NDE1: variants seen among roughly 807,000 people sequenced by gnomAD.
The protein encoded by NDE1 is nudE neurodevelopment protein 1.
NDE1 carries 28 observed loss-of-function variants against 43.4 expected under a neutral mutation model. The observed-to-expected ratio is 0.65, with a 90% CI of 0.48 to 0.89. NDE1 has a LOEUF of 0.89. Ranked by LOEUF, NDE1 falls within the 40% of genes least tolerant of loss-of-function variation. NDE1 has a pLI of 0.00. For synonymous variants in NDE1, 184 were observed against 172.0 expected (o/e 1.07, Z -0.55); for missense variants, 441 against 434.1 (o/e 1.02, Z -0.14).
At chr16:15,723,511 G>GT (rs1235071366) in intron 8 of NDE1, among the ~76,000 whole-genome samples, 2 of 147,556 alleles carry the variant, frequency 1.4e-5, no homozygotes, top group Non-Finnish European at 2.9e-5. Context: ...GCCAGACATA[G>GT]TGGTGTGCTC....
chr16:15,685,061 G>T (rs2038370428), intron 4 of NDE1, among the ~76,000 whole-genome samples: 2 of 152,184 alleles, frequency 1.3e-5, no homozygotes, highest in African/African-American at 4.8e-5. Flanking sequence ...AACTTGTGGA[G>T]AATTAATTTC....
At chr16:15,705,736 CTT>C (rs973010814) in intron 8 of NDE1, among the ~76,000 whole-genome samples, 4 of 152,076 alleles carry the variant, frequency 2.6e-5, no homozygotes, top group African/African-American at 9.7e-5. Flanking sequence ...AATCTCAGCA[CTT>C]TGGGAGGCTG....
intron 3 of NDE1, among the ~76,000 whole-genome samples, chr16:15,670,565 G>A (rs1233630524): frequency 6.6e-6 from 1 of 151,864 alleles, no homozygotes; most frequent in East Asian, 1.9e-4. Context: ...GCTGAGGCAG[G>A]AGAATCACTT....
intron 7 of NDE1, 113 bp from the exon 8 acceptor site, chr16:15,696,596 A>G: frequency 1.3e-6 from 2 of 1,580,410 alleles, no homozygotes; most frequent in South Asian, 2.3e-5. Flanking sequence ...TTGGAATTCC[A>G]GTGCACAACA....
At chr16:15,697,184 A>G in intron 8 of NDE1, 3 of 475,986 alleles carry the variant, frequency 6.3e-6, no homozygotes, top group Non-Finnish European at 8.2e-6. Context: ...CTGGGAGTAC[A>G]GGTGCGTGTC....
chr16:15,687,769 A>G (rs2038514243), intron 5 of NDE1, among the ~76,000 whole-genome samples: 1 of 152,228 alleles, frequency 6.6e-6, no homozygotes, highest in Non-Finnish European at 1.5e-5. Flanking sequence ...GGGTTCACAG[A>G]TGAAGTCCTT....
At chr16:15,681,612 TAGG>T (rs955218197) in intron 4 of NDE1, among the ~76,000 whole-genome samples, 4 of 152,170 alleles carry the variant, frequency 2.6e-5, no homozygotes, top group African/African-American at 9.7e-5. Context: ...CCATGATTTC[TAGG>T]AGATTTTTAT....
At chr16:15,714,543 G>T (rs538180824) in intron 8 of NDE1, 6 of 399,342 alleles carry the variant, frequency 1.5e-5, no homozygotes, top group African/African-American at 1.0e-4. Flanking sequence ...GGAAGGAGGT[G>T]AAGTGGCGGG....
chr16:15,675,216 G>A (rs1263707928), intron 3 of NDE1, among the ~76,000 whole-genome samples: 1 of 151,234 alleles, frequency 6.6e-6, no homozygotes, highest in East Asian at 2.0e-4. Flanking sequence ...CCCCACCACT[G>A]CCAGAGAGTT....
At chr16:15,706,337 G>A (rs2039453321) in intron 8 of NDE1, among the ~76,000 whole-genome samples, 1 of 152,126 alleles carries the variant, frequency 6.6e-6, no homozygotes, top group African/African-American at 2.4e-5. Context: ...TCAGCGCAGA[G>A]GAGCAGCAGT....
intron 1 of NDE1, among the ~76,000 whole-genome samples, chr16:15,664,406 G>A (rs1417210203): frequency 1.3e-5 from 2 of 151,904 alleles, no homozygotes; most frequent in Non-Finnish European, 2.9e-5. Flanking sequence ...ACTCAAGCTG[G>A]AGTGCAGTGG....
upstream of NDE1, among the ~76,000 whole-genome samples, chr16:15,645,813 C>T (rs760961246): frequency 6.6e-6 from 1 of 152,154 alleles, no homozygotes; most frequent in East Asian, 1.9e-4. Flanking sequence ...AGCTACTTTA[C>T]ATGCAATTCA....
Position 15,708,836 on chromosome 16 carries a change from G to A in NDE1, c.947+11976G>A, listed in dbSNP as rs765030635. On this transcript the variant is annotated intron_variant, in intron 8 of 8. Transcript: ENST00000396354. ...TCACTGCGAAGTTTCCTGTGGGGGG[G>A]GCCCTCTGAAACAGAGAGAGAATCC... The A allele has an allele frequency of 2.7e-5, 43 of 1,610,066 alleles. No homozygotes were observed. The highest frequency in any genetic ancestry group is 3.3e-5 in the Non-Finnish European group (39 of 1,178,580).
At chr16:15,720,190 C>G (rs769970169) in intron 8 of NDE1, 2 of 1,614,150 alleles carry the variant, frequency 1.2e-6, no homozygotes, top group Non-Finnish European at 8.5e-7. Flanking sequence ...CCTCCCTCCC[C>G]TTGATGGCAG....
intron 8 of NDE1, chr16:15,714,038 G>A (rs1317405634): frequency 6.6e-6 from 1 of 152,368 alleles, no homozygotes; most frequent in Non-Finnish European, 1.5e-5. Flanking sequence ...GGTAGAAGCA[G>A]CAGGATCACC....
At chr16:15,662,783 TA>T (rs1402598659) in intron 1 of NDE1, among the ~76,000 whole-genome samples, 1 of 152,144 alleles carries the variant, frequency 6.6e-6, no homozygotes, top group Non-Finnish European at 1.5e-5. Flanking sequence ...TTCTCCATGT[TA>T]CCCAGGCTGG....
At chr16:15,680,591 G>A (rs1470442998) in intron 4 of NDE1, among the ~76,000 whole-genome samples, 1 of 152,136 alleles carries the variant, frequency 6.6e-6, no homozygotes, top group East Asian at 1.9e-4. Context: ...TGGAGCTGGA[G>A]TTCAGTGGTG....
chr16:15,697,073 G>T (rs1336374421), intron 8 of NDE1: 1 of 1,477,662 alleles, frequency 6.8e-7, no homozygotes, highest in East Asian at 2.5e-5. Context: ...TTGTGAGACA[G>T]GGTCTCACTC....
rs958520830 is a variant in NDE1 at position 15,724,497 on chromosome 16, A to G, written c.*246A>G. On this transcript the variant is annotated 3_prime_UTR_variant, in exon 9 of 9. Coordinates refer to ENST00000396354, the MANE Select transcript of NDE1 (RefSeq NM_017668.3). Reference sequence around the variant, plus strand: ...CCACAGACTCTGAGAAGCGAAGACCATGTCTCCTCGTTGGAGAAACCCAAT... The same window carrying G: ...CCACAGACTCTGAGAAGCGAAGACCGTGTCTCCTCGTTGGAGAAACCCAAT... The G allele has an allele frequency of 6.8e-6, 11 of 1,608,638 alleles. No individual in the cohort carries two copies. The highest frequency in any genetic ancestry group is 9.3e-6 in the Non-Finnish European group (11 of 1,178,146).
Sources: gnomAD v4.1 joint callset for allele counts (sites outside exome capture counted in the v4.1 genomes callset) on GRCh38, gnomAD v4.1.1 for gene constraint, MANE v1.5 for transcripts, NCBI Gene and HGNC (gene_info 2026-07-23, HGNC 2026-07-21) for gene names.